The following SMOC2 variants were observed in gnomAD, a reference collection of about 807,000 sequenced individuals.
The protein encoded by SMOC2 is SPARC-related modular calcium-binding protein 2.
Under a neutral mutation model 61.4 loss-of-function variants are expected in SMOC2, and 39 were observed. That is an observed-to-expected ratio of 0.64 (90% confidence interval 0.49 to 0.83). SMOC2 has a LOEUF of 0.83. Among genes scored for constraint, SMOC2 ranks in the 40% least tolerant of loss-of-function variants. SMOC2 has a pLI of 0.00. For missense variants in SMOC2, 556 were observed against 592.9 expected (o/e 0.94, Z 0.65); for synonymous variants, 247 against 239.9 (o/e 1.03, Z -0.27).
At chr6:168,496,304 ACTGT>A (rs1239539026) in intron 1 of SMOC2, among the ~76,000 whole-genome samples, 3 of 152,166 alleles carry the variant, frequency 2.0e-5, no homozygotes, top group Non-Finnish European at 4.4e-5. Flanking sequence ...TCTAGATAAC[ACTGT>A]CTGGAAGAGC....
chr6:168,457,651 A>T (rs1781616990), intron 1 of SMOC2, among the ~76,000 whole-genome samples: 1 of 152,144 alleles, frequency 6.6e-6, no homozygotes, highest in South Asian at 2.1e-4. Flanking sequence ...CACTCGCTGC[A>T]GCCCCGGCCC....
rs528554488 is a variant in SMOC2 at position 168,527,359 on chromosome 6, C to T, written c.364-269C>T. ...GAGGGCTAGGGCTCCATCTGGAAGGCGGTGAGGATTAGTGGCTTCACAGGT... is the reference window on the plus strand; with the variant it reads ...GAGGGCTAGGGCTCCATCTGGAAGGTGGTGAGGATTAGTGGCTTCACAGGT... On this transcript the variant is annotated intron_variant, in intron 3 of 12. Coordinates refer to ENST00000356284, the MANE Select transcript of SMOC2 (RefSeq NM_001166412.2). 2.6e-5 allele frequency among the ~76,000 whole-genome samples: 4 copies of T among 152,304 alleles called. No individual in the cohort carries two copies. In the East Asian group the frequency reaches 5.8e-4, roughly 22 times the overall value.
intron 7 of SMOC2, among the ~76,000 whole-genome samples, chr6:168,554,553 C>CT (rs942913704): frequency 6.6e-6 from 1 of 152,108 alleles, no homozygotes; most frequent in Non-Finnish European, 1.5e-5. Flanking sequence ...GGAGGCCCCC[C>CT]GTCTCAGGCC....
intron 8 of SMOC2, among the ~76,000 whole-genome samples, chr6:168,600,173 A>C (rs1785503543): frequency 6.6e-6 from 1 of 152,104 alleles, no homozygotes; most frequent in Non-Finnish European, 1.5e-5. Context: ...TGGGAGGCCG[A>C]GGCGGGTGGA....
chr6:168,626,465 A>C (rs7738246), intron 9 of SMOC2, among the ~76,000 whole-genome samples: 1,682 of 152,284 alleles, frequency 0.011, 33 homozygotes, highest in African/African-American at 0.039. Context: ...TTATGAAGAA[A>C]TCAGAATCCA....
chr6:168,599,126 TCA>T (rs1050506202), intron 8 of SMOC2, 122 bp downstream of exon 8: 14 of 816,602 alleles, frequency 1.7e-5, no homozygotes, highest in African/African-American at 1.0e-4. Flanking sequence ...ACACTCACAC[TCA>T]CACACACTGA....
rs1254673992 is a variant in SMOC2 at position 168,526,505 on chromosome 6, G to A, written c.363+53G>A. ...CACCTGTGCGATTAGGGAGGGAGAT[G>A]TGGAGCGGGTGTGGGGAGAAGGCAG... On this transcript the variant is annotated intron_variant, in intron 3 of 12. Transcript: ENST00000356284. 5.4e-6 allele frequency: 8 copies of A among 1,479,932 alleles called. No individual in the cohort carries two copies. In the African/African-American group the frequency reaches 5.5e-5, roughly 10 times the overall value. 91.7% of individuals were successfully genotyped at this position (1,479,932 alleles called of 1,614,324 possible). A position where few individuals can be genotyped will look rare whatever the true frequency, so the allele number is the denominator to read the frequency against.
At chr6:168,583,983 A>C (rs890147046) in intron 7 of SMOC2, among the ~76,000 whole-genome samples, 2 of 152,210 alleles carry the variant, frequency 1.3e-5, no homozygotes, top group Non-Finnish European at 2.9e-5. Context: ...CTGTGGTTGC[A>C]ACAGTAATTG....
At chr6:168,592,726 C>A (rs1340210937) in intron 7 of SMOC2, among the ~76,000 whole-genome samples, 5 of 36,564 alleles carry the variant, frequency 1.4e-4, no homozygotes, top group African/African-American at 2.1e-4. Context: ...CTTCCTGAGG[C>A]CTCACGGGCA....
intron 9 of SMOC2, among the ~76,000 whole-genome samples, chr6:168,626,116 C>T (rs915961594): frequency 5.3e-5 from 8 of 152,192 alleles, no homozygotes; most frequent in Non-Finnish European, 8.8e-5. Flanking sequence ...GGTCTTGCCA[C>T]GTGAAGGAGG....
At position 168,558,839 on chromosome 6, in the gene SMOC2, G is replaced by A. The variant is rs375960841; in HGVS notation, c.637+9636G>A. ...TGTGCGTATGTGCATGTGTGTGCAC[G>A]TGTGTATGTGCGCGTGTGCGCATGT... On this transcript the variant is annotated intron_variant, in intron 7 of 12. Coordinates refer to ENST00000356284, the MANE Select transcript of SMOC2 (RefSeq NM_001166412.2). 1.3e-4 allele frequency among the ~76,000 whole-genome samples: 20 copies of A among 150,956 alleles called. 1 individual carries two copies. The highest frequency in any genetic ancestry group is 1.3e-3 in the South Asian group (6 of 4,748).
chr6:168,549,135 C>A lies in SMOC2; in HGVS notation c.569C>A (p.Ala190Glu). Residue 190 changes from alanine to glutamate, a missense_variant, in exon 7 of 13, where the codon GCA (alanine) becomes GAA (glutamate). Coordinates refer to ENST00000356284, the MANE Select transcript of SMOC2 (RefSeq NM_001166412.2). ...ATTTCATTTTGGTTCATAGATATTG[C>A]ATCACGTTACCCTACCCTTTGGACT... ...TQPQGDEEDIASRYPTLWTEQ... is the reference protein window; with the variant it reads ...TQPQGDEEDIESRYPTLWTEQ... 1 of 1,613,834 alleles carries A rather than the reference C, an allele frequency of 6.2e-7. No homozygotes were observed. Among genetic ancestry groups the A allele is most frequent in the East Asian group, 2.2e-5 (1 of 44,878 alleles).
chr6:168,525,493 C>A (rs1332790304), intron 2 of SMOC2, among the ~76,000 whole-genome samples: 1 of 152,214 alleles, frequency 6.6e-6, no homozygotes, highest in Non-Finnish European at 1.5e-5. Context: ...TTTCATGTCT[C>A]TGTATTTCTG....
At chr6:168,640,110 A>G (rs1004781641) in intron 9 of SMOC2, among the ~76,000 whole-genome samples, 2 of 152,144 alleles carry the variant, frequency 1.3e-5, no homozygotes, top group African/African-American at 2.4e-5. Context: ...ATCACTGGTC[A>G]GCCCTGGTCA....
intron 6 of SMOC2, 36 bp downstream of exon 6, chr6:168,547,205 G>A (rs1327976388): frequency 6.3e-7 from 1 of 1,595,802 alleles, no homozygotes; most frequent in South Asian, 1.1e-5. Flanking sequence ...TCTGGGTTGG[G>A]GAGGAGTGCG....
intron 1 of SMOC2, among the ~76,000 whole-genome samples, chr6:168,448,395 A>C: frequency 7.7e-6 from 1 of 130,066 alleles, no homozygotes; most frequent in South Asian, 2.6e-4. Flanking sequence ...GGGAGAATGG[A>C]GATGGGGAGG....
chr6:168,634,446 A>G (rs1362630063), intron 9 of SMOC2, among the ~76,000 whole-genome samples: 3 of 152,318 alleles, frequency 2.0e-5, no homozygotes, highest in Non-Finnish European at 2.9e-5. Context: ...CAGGTGGTCA[A>G]TAGATTTAAG....
At chr6:168,512,546 A>G (rs1232072472) in intron 2 of SMOC2, among the ~76,000 whole-genome samples, 2 of 152,256 alleles carry the variant, frequency 1.3e-5, no homozygotes, top group African/African-American at 4.8e-5. Flanking sequence ...TATTTGATTC[A>G]TACTTTAAAT....
chr6:168,550,855 A>T (rs1310801222), intron 7 of SMOC2, among the ~76,000 whole-genome samples: 3 of 152,006 alleles, frequency 2.0e-5, no homozygotes, highest in Non-Finnish European at 4.4e-5. Flanking sequence ...CAATTTTGTC[A>T]CCCCATTTAA....
Sources: gnomAD v4.1 joint callset for allele counts (sites outside exome capture counted in the v4.1 genomes callset) on GRCh38, gnomAD v4.1.1 for gene constraint, MANE v1.5 for transcripts, NCBI Gene and HGNC (gene_info 2026-07-23, HGNC 2026-07-21) for gene names.